The following ARHGEF4 variants were observed in gnomAD, a reference collection of about 807,000 sequenced individuals.
ARHGEF4 encodes APC-stimulated guanine nucleotide exchange factor 1.
ARHGEF4 carries 119 observed loss-of-function variants against 162.0 expected under a neutral mutation model. The ratio of observed to expected loss-of-function variants is 0.73; its 90% CI spans 0.63 to 0.86. The LOEUF (loss-of-function observed/expected upper bound fraction) is 0.86, where lower values mean the gene tolerates loss of function less well. Among genes scored for constraint, ARHGEF4 ranks in the 40% least tolerant of loss-of-function variants. ARHGEF4 has a pLI of 0.00. For synonymous variants in ARHGEF4, 1,014 were observed against 979.9 expected, an observed-to-expected ratio of 1.03 and a Z score of -0.65; for missense variants, 2,488 against 2,456.0, an observed-to-expected ratio of 1.01 and a Z score of -0.28.
intron 4 of ARHGEF4, among the ~76,000 whole-genome samples, chr2:131,013,497 T>G (rs1382541865): frequency 6.6e-6 from 1 of 152,168 alleles, no homozygotes; most frequent in Non-Finnish European, 1.5e-5. Flanking sequence ...AACGTTAGAG[T>G]TTCTCATGCA....
chr2:130,964,156 G>A, intron 4 of ARHGEF4: 1 of 985,146 alleles, frequency 1.0e-6, no homozygotes, highest in Non-Finnish European at 1.2e-6. Flanking sequence ...GGACAGCAGC[G>A]GCGTGGTGTG....
intron 6 of ARHGEF4, 75 bp downstream of exon 6, chr2:131,039,107 C>G (rs1690544249): frequency 6.8e-7 from 1 of 1,480,824 alleles, no homozygotes; most frequent in Non-Finnish European, 9.0e-7. Context: ...AAATCCAAGC[C>G]CAAAACAGCT....
At chr2:131,012,786 C>T (rs1396716226) in intron 4 of ARHGEF4, among the ~76,000 whole-genome samples, 1 of 152,108 alleles carries the variant, frequency 6.6e-6, no homozygotes, top group East Asian at 1.9e-4. Flanking sequence ...CTGCCATGTT[C>T]GCCAGGCTGG....
intron 4 of ARHGEF4, among the ~76,000 whole-genome samples, chr2:131,019,718 C>T (rs7419337): frequency 0.84 from 127,419 of 151,642 alleles, 56,282 homozygotes; most frequent in Non-Finnish European, 0.97. Context: ...ACTGCAAGCT[C>T]CGCCTCCCGG....
rs1688485807 is a variant in ARHGEF4 at position 131,012,024 on chromosome 2, G to C, written c.3986-15921G>C. On this transcript the variant is annotated intron_variant, in intron 4 of 13. Coordinates refer to ENST00000409359, the MANE Select transcript of ARHGEF4 (RefSeq NM_001367493.1). ...GAACTGAAAGAAAGACAGGCGTCAG[G>C]ATAACCAAAATTATCCTTGCCAAGA... is the stretch of plus-strand genomic sequence containing the variant. 3 of 662,168 alleles carry C rather than the reference G, an allele frequency of 4.5e-6. No homozygotes were observed. The East Asian group carries it at 8.2e-5, about 18-fold the overall frequency. 41.0% of individuals were successfully genotyped at this position (662,168 alleles called of 1,614,324 possible).
chr2:131,045,835 G>A (rs1251807724), intron 13 of ARHGEF4: 5 of 1,446,384 alleles, frequency 3.5e-6, no homozygotes, highest in Non-Finnish European at 4.5e-6. Flanking sequence ...GCTGCTGCAG[G>A]AGGCCAGGCC....
At chr2:131,002,627 G>A (rs1165348389) in intron 4 of ARHGEF4, among the ~76,000 whole-genome samples, 4 of 145,376 alleles carry the variant, frequency 2.8e-5, no homozygotes, top group South Asian at 4.4e-4. Context: ...GGAGAATGTC[G>A]TGAACCCGGG....
chr2:130,978,797 AT>A (rs1251010555), intron 4 of ARHGEF4, among the ~76,000 whole-genome samples: 1 of 152,196 alleles, frequency 6.6e-6, no homozygotes, highest in African/African-American at 2.4e-5. Context: ...AACAAAAAGA[AT>A]CAGCAATATT....
chr2:130,982,736 A>G (rs1686214525), intron 4 of ARHGEF4, among the ~76,000 whole-genome samples: 1 of 152,182 alleles, frequency 6.6e-6, no homozygotes, highest in African/African-American at 2.4e-5. Flanking sequence ...CTTCATATAT[A>G]TAACTTTTTT....
In ARHGEF4 at chr2:130,970,704, T is replaced by C. The variant is rs189273001; in HGVS notation, c.3985+24069T>C. ...CTGAGCATCTTTTCATGTGGGTGTT[T>C]GGCATATGCATATCTTCTTTGTTGA... On this transcript the variant is annotated intron_variant, in intron 4 of 13. Coordinates refer to ENST00000409359, the MANE Select transcript of ARHGEF4 (RefSeq NM_001367493.1). 2.3e-3 allele frequency among the ~76,000 whole-genome samples: 343 copies of C among 152,332 alleles called. 2 individuals carry two copies. The highest frequency in any genetic ancestry group is 7.6e-3 in the African/African-American group (318 of 41,572).
chr2:130,850,138 C>A (rs1681298400), intron 1 of ARHGEF4, among the ~76,000 whole-genome samples: 1 of 152,122 alleles, frequency 6.6e-6, no homozygotes, highest in Non-Finnish European at 1.5e-5. Flanking sequence ...CTCAAAGCAG[C>A]CCACGTTTCT....
rs773215317 is a variant in ARHGEF4 at position 131,040,098 on chromosome 2, C to T, written c.4388C>T (p.Ala1463Val). ...GGAGCGGAGGACGGCGGGGCGGAGGCGCAGAGCAGCAAGGACCAGATGCGG... is the reference window on the plus strand; with the variant it reads ...GGAGCGGAGGACGGCGGGGCGGAGGTGCAGAGCAGCAAGGACCAGATGCGG... ...NSGAEDGGAE[A>V]QSSKDQMRTN... The change falls in exon 7 of 14, where the codon GCG becomes GTG. Residue 1463 changes from alanine (A) to valine (V), a missense_variant. By Grantham distance (64) the Ala-to-Val change is moderately conservative. Transcript: ENST00000409359. 2.5e-6 allele frequency: 4 copies of T among 1,609,888 alleles called. No homozygotes were observed. Among genetic ancestry groups the T allele is most frequent in the East Asian group, 2.2e-5 (1 of 44,692 alleles).
At chr2:130,930,391 C>T (rs1682561667) in intron 2 of ARHGEF4, among the ~76,000 whole-genome samples, 3 of 152,260 alleles carry the variant, frequency 2.0e-5, no homozygotes, top group East Asian at 3.9e-4. Flanking sequence ...GTGATGCCAA[C>T]ACAGGCCTAA....
intron 4 of ARHGEF4, among the ~76,000 whole-genome samples, chr2:130,964,850 C>T (rs1260489858): frequency 6.6e-6 from 1 of 152,190 alleles, no homozygotes; most frequent in Non-Finnish European, 1.5e-5. Context: ...CCCTGTAGTG[C>T]TCCCGAATCT....
At chr2:130,920,823 G>A (rs1230313971) in intron 2 of ARHGEF4, among the ~76,000 whole-genome samples, 1 of 152,194 alleles carries the variant, frequency 6.6e-6, no homozygotes, top group Non-Finnish European at 1.5e-5. Context: ...ATAATATCGT[G>A]TATAGAGATC....
chr2:130,993,344 T>C (rs1312574648), intron 4 of ARHGEF4, among the ~76,000 whole-genome samples: 1 of 152,232 alleles, frequency 6.6e-6, no homozygotes, highest in African/African-American at 2.4e-5. Flanking sequence ...TGTATTAGGA[T>C]ATAGAAAAAT....
intron 2 of ARHGEF4, among the ~76,000 whole-genome samples, chr2:130,925,804 T>C (rs540870880): frequency 1.3e-5 from 2 of 152,328 alleles, no homozygotes; most frequent in East Asian, 1.9e-4. Flanking sequence ...TGTGGATTTC[T>C]TTGGATTTAT....
chr2:130,879,018 G>A (rs1240087113), intron 1 of ARHGEF4, among the ~76,000 whole-genome samples: 1 of 152,226 alleles, frequency 6.6e-6, no homozygotes, highest in Non-Finnish European at 1.5e-5. Flanking sequence ...AGAGGCTACG[G>A]CTCAGGCAGA....
At chr2:130,932,571 C>G (rs570467223) in intron 3 of ARHGEF4, among the ~76,000 whole-genome samples, 3 of 152,200 alleles carry the variant, frequency 2.0e-5, no homozygotes, top group Non-Finnish European at 4.4e-5. Context: ...CAAATATTTT[C>G]TCCCATCTGT....
Sources: gnomAD v4.1 joint callset for allele counts (sites outside exome capture counted in the v4.1 genomes callset) on GRCh38, gnomAD v4.1.1 for gene constraint, MANE v1.5 for transcripts, NCBI Gene and HGNC (gene_info 2026-07-23, HGNC 2026-07-21) for gene names.